TGFBR1: variants seen among roughly 807,000 people sequenced by gnomAD.
The protein encoded by TGFBR1 is TGF-beta receptor type-1.
TGFBR1 carries 20 observed loss-of-function variants against 55.1 expected under a neutral mutation model. That is an observed-to-expected ratio of 0.36 (90% CI 0.26 to 0.53). TGFBR1 has a LOEUF of 0.53. Ranked by LOEUF, TGFBR1 falls within the 20% of genes least tolerant of loss-of-function variation. The pLI is 0.91. For synonymous variants in TGFBR1, 220 were observed against 214.8 expected, an observed-to-expected ratio of 1.02 and a Z score of -0.21; for missense variants, 385 against 617.6, an observed-to-expected ratio of 0.62 and a Z score of 3.99.
At chr9:99,128,663 C>T (rs1043476283) in intron 1 of TGFBR1, 192 bp from the exon 2 acceptor site, 1 of 770,344 alleles carries the variant, frequency 1.3e-6, no homozygotes, top group Non-Finnish European at 2.2e-6. Context: ...TGGGCTTCCA[C>T]GTGTATGTGG....
At chr9:99,115,742 TATTC>T (rs1436762599) in intron 1 of TGFBR1, among the ~76,000 whole-genome samples, 1 of 152,228 alleles carries the variant, frequency 6.6e-6, no homozygotes, top group African/African-American at 2.4e-5. Context: ...TTAATTTTGT[TATTC>T]AATGTGTGAT....
At chr9:99,142,473 C>G in intron 4 of TGFBR1, 63 bp from the exon 5 acceptor site, 1 of 1,580,264 alleles carries the variant, frequency 6.3e-7, no homozygotes, top group South Asian at 1.1e-5. Context: ...AAAGTAATAA[C>G]CATTGAACAA....
At chr9:99,138,803 CTT>C (rs751810545) in intron 4 of TGFBR1, among the ~76,000 whole-genome samples, 2 of 145,636 alleles carry the variant, frequency 1.4e-5, no homozygotes, top group African/African-American at 2.5e-5. Flanking sequence ...ATGATTCCTA[CTT>C]TTTTTTTTTT....
In TGFBR1 at chr9:99,128,931, C is replaced by T; in HGVS notation, c.174C>T (p.Val58=). ...CAGATGGGCTCTGCTTTGTCTCTGT[C>T]ACAGAGACCACAGACAAAGTTATAC... is the stretch of plus-strand genomic sequence containing the variant. ...CVTDGLCFVS[V]TETTDKVIHN... The change falls in exon 2 of 9, where the codon GTC becomes GTT. Residue 58 remains valine (V), a synonymous_variant. Transcript: ENST00000374994. 1 of 1,613,884 alleles carries T rather than the reference C, an allele frequency of 6.2e-7. No homozygotes were observed. Among genetic ancestry groups the T allele is most frequent in the Non-Finnish European group, 8.5e-7 (1 of 1,179,892 alleles).
In TGFBR1 at chr9:99,153,358, T is replaced by C; in HGVS notation, c.*4053T>C. 1 of 217,222 alleles carries C rather than the reference T, an allele frequency of 4.6e-6. No individual in the cohort carries two copies. Among genetic ancestry groups the C allele is most frequent in the East Asian group, 6.8e-5 (1 of 14,658 alleles). 13.5% of individuals were successfully genotyped at this position (217,222 alleles called of 1,614,324 possible). Reference sequence around the variant, plus strand: ...TCGTCTGTACTTTCTGTTTTCTGTATTGTATTTGTGCAGGATTCTTTAGGC... The same window carrying C: ...TCGTCTGTACTTTCTGTTTTCTGTACTGTATTTGTGCAGGATTCTTTAGGC... On this transcript the variant is annotated 3_prime_UTR_variant, in exon 9 of 9. Coordinates refer to ENST00000374994, the MANE Select transcript of TGFBR1 (RefSeq NM_004612.4).
In TGFBR1 at chr9:99,132,527, T is replaced by C; in HGVS notation, c.362T>C (p.Leu121Pro). 1.2e-6 allele frequency: 2 copies of C among 1,614,194 alleles called. No individual in the cohort carries two copies. Among genetic ancestry groups the C allele is most frequent in the Non-Finnish European group, 1.7e-6 (2 of 1,180,032 alleles). The change falls in exon 3 of 9, where the codon CTT becomes CCT. Residue 121 changes from leucine to proline, a missense_variant. Leu to Pro is a moderately conservative substitution (Grantham distance 98). Transcript: ENST00000374994. ...TTTTCAGTAAAGTCATCACCTGGCC[T>C]TGGTCCTGTGGAACTGGCAGCTGTC... is the stretch of plus-strand genomic sequence containing the variant. ...LPTTVKSSPG[L>P]GPVELAAVIA...
chr9:99,147,695 C>G lies in TGFBR1; in HGVS notation c.1297C>G (p.Pro433Ala). ...DYQLPYYDLV[P>A]SDPSVEEMRK... is the part of the protein sequence containing the mutation. ...CCAACTGCCTTATTATGATCTTGTA[C>G]CTTCTGACCCATCAGTTGAAGAAAT... The change falls in exon 8 of 9, where the codon CCT (proline) becomes GCT (alanine). Residue 433 changes from proline to alanine, a missense_variant. Coordinates refer to ENST00000374994, the MANE Select transcript of TGFBR1 (RefSeq NM_004612.4). 1 of 1,613,566 alleles carries G rather than the reference C, an allele frequency of 6.2e-7. No homozygotes were observed. The highest frequency in any genetic ancestry group is 8.5e-7 in the Non-Finnish European group (1 of 1,179,698).
chr9:99,104,931 G>A (rs1826355354), upstream of TGFBR1, among the ~76,000 whole-genome samples: 1 of 151,810 alleles, frequency 6.6e-6, no homozygotes, highest in African/African-American at 2.4e-5. Context: ...GGAGCGTGGG[G>A]CGTGGCCAGA....
At chr9:99,110,984 CT>C (rs879457976) in intron 1 of TGFBR1, among the ~76,000 whole-genome samples, 8 of 152,184 alleles carry the variant, frequency 5.3e-5, no homozygotes, top group African/African-American at 1.7e-4. Flanking sequence ...GGAAAGTTTC[CT>C]TTCCCTTTTT....
intron 1 of TGFBR1, among the ~76,000 whole-genome samples, chr9:99,118,670 G>A (rs1194860464): frequency 7.2e-6 from 1 of 138,774 alleles, no homozygotes; most frequent in African/African-American, 2.8e-5. Flanking sequence ...TTTTGAGACA[G>A]GATCTCACTC....
At chr9:99,137,597 A>T (rs1386531595) in intron 3 of TGFBR1, among the ~76,000 whole-genome samples, 2 of 152,168 alleles carry the variant, frequency 1.3e-5, no homozygotes, top group Non-Finnish European at 2.9e-5. Flanking sequence ...TACTTAAGGG[A>T]TAGTCAAAAT....
intron 1 of TGFBR1, among the ~76,000 whole-genome samples, chr9:99,125,305 G>C (rs751664674): frequency 3.9e-5 from 6 of 152,186 alleles, no homozygotes; most frequent in Non-Finnish European, 7.4e-5. Flanking sequence ...GTTTTACTGA[G>C]ATGTCATCCA....
At position 99,144,823 on chromosome 9, in the gene TGFBR1, A is replaced by C. The variant is rs758280185; in HGVS notation, c.1065A>C (p.Ala355=). 8 of 1,613,960 alleles carry C rather than the reference A, an allele frequency of 5.0e-6. No individual in the cohort carries two copies. In the African/African-American group the frequency reaches 1.1e-4, roughly 22 times the overall value. ...GCTGTATTGCAGACTTAGGACTGGCAGTAAGACATGATTCAGCCACAGATA... is the reference window on the plus strand; with the variant it reads ...GCTGTATTGCAGACTTAGGACTGGCCGTAAGACATGATTCAGCCACAGATA... ...GTCCIADLGL[A]VRHDSATDTI... Residue 355 remains alanine, a synonymous_variant, in exon 6 of 9, where the codon GCA becomes GCC. Coordinates refer to ENST00000374994, the MANE Select transcript of TGFBR1 (RefSeq NM_004612.4).
At position 99,153,419 on chromosome 9, in the gene TGFBR1, C is replaced by T. The variant is rs2118912825; in HGVS notation, c.*4114C>T. 4.7e-6 allele frequency: 1 copy of T among 212,952 alleles called. No homozygotes were observed. Among genetic ancestry groups the T allele is most frequent in the Non-Finnish European group, 9.5e-6 (1 of 104,898 alleles). 13.2% of individuals were successfully genotyped at this position (212,952 alleles called of 1,614,324 possible). ...TAATCTCTGCCTTTTAAGATATGTA[C>T]AGAAAATGTCCATATAAATTTCCAT... On this transcript the variant is annotated 3_prime_UTR_variant, in exon 9 of 9. Coordinates refer to ENST00000374994, the MANE Select transcript of TGFBR1 (RefSeq NM_004612.4).
chr9:99,134,802 T>TG, intron 3 of TGFBR1, among the ~76,000 whole-genome samples: 1 of 41,370 alleles, frequency 2.4e-5, no homozygotes, highest in Admixed American at 2.9e-4. Flanking sequence ...TCTGTTTCCA[T>TG]TATATATATA....
Position 99,144,892 on chromosome 9 carries a change from T to C in TGFBR1, c.1130+4T>C, listed in dbSNP as rs1253609118. ...ACCACAGAGTGGGAACAAAAAGGTA[T>C]ACTTTTGAACAACTATATTTAATAT... On this transcript the variant is annotated splice_donor_region_variant and intron_variant, in intron 6 of 8. Transcript: ENST00000374994. The C allele has an allele frequency of 6.2e-7, 1 of 1,613,564 alleles. No homozygotes were observed. The highest frequency in any genetic ancestry group is 1.1e-5 in the South Asian group (1 of 91,082).
rs568438726 is a variant in TGFBR1 at position 99,148,083 on chromosome 9, C to T, written c.1386+299C>T. Among the ~76,000 whole-genome samples, 9 of 152,322 alleles carry T rather than the reference C, an allele frequency of 5.9e-5. No individual in the cohort carries two copies. In the East Asian group the frequency reaches 1.7e-3, roughly 29 times the overall value. ...CCTTCAGCCGGGGCAACCCAGAACA[C>T]TAGACAGTTACCGGACATGAATGAG... is the stretch of plus-strand genomic sequence containing the variant. On this transcript the variant is annotated intron_variant, in intron 8 of 8. Coordinates refer to ENST00000374994, the MANE Select transcript of TGFBR1 (RefSeq NM_004612.4).
intron 1 of TGFBR1, among the ~76,000 whole-genome samples, chr9:99,120,031 A>G (rs1427596456): frequency 6.6e-6 from 1 of 152,210 alleles, no homozygotes; most frequent in East Asian, 1.9e-4. Context: ...ACATTTTATT[A>G]TGTGCTGGGC....
At chr9:99,119,406 G>C (rs984273402) in intron 1 of TGFBR1, among the ~76,000 whole-genome samples, 4 of 152,212 alleles carry the variant, frequency 2.6e-5, no homozygotes, top group Non-Finnish European at 4.4e-5. Context: ...AGCCACTCGT[G>C]CTTTCCAAAG....
Sources: gnomAD v4.1 joint callset for allele counts (sites outside exome capture counted in the v4.1 genomes callset) on GRCh38, gnomAD v4.1.1 for gene constraint, MANE v1.5 for transcripts, NCBI Gene and HGNC (gene_info 2026-07-23, HGNC 2026-07-21) for gene names.